Variants in PLXNA4 observed in about 807,000 individuals in gnomAD.
PLXNA4 encodes the protein plexin A4.
Under a neutral mutation model 191.8 loss-of-function variants are expected in PLXNA4, and 44 were observed. The ratio of observed to expected loss-of-function variants is 0.23; its 90% CI spans 0.18 to 0.29. The LOEUF (loss-of-function observed/expected upper bound fraction) is 0.29, where lower values mean the gene tolerates loss of function less well. PLXNA4 is among the 10% of genes least tolerant of loss of function. PLXNA4 has a pLI of 1.00. For synonymous variants in PLXNA4, 1,082 were observed against 1,009.5 expected (o/e 1.07, Z -1.36); for missense variants, 1,800 against 2,488.8 (o/e 0.72, Z 5.89).
intron 3 of PLXNA4, among the ~76,000 whole-genome samples, chr7:132,424,127 C>T (rs940915002): frequency 3.9e-5 from 6 of 152,180 alleles, no homozygotes; most frequent in Non-Finnish European, 8.8e-5. Flanking sequence ...CCCACGCCTC[C>T]TCCTCGCCAG....
chr7:132,631,627 T>C (rs568494154), intron 2 of PLXNA4, among the ~76,000 whole-genome samples: 3 of 152,264 alleles, frequency 2.0e-5, no homozygotes, highest in South Asian at 4.1e-4. Flanking sequence ...GATTCCAGGG[T>C]AGCTGTGTCC....
intron 1 of PLXNA4, among the ~76,000 whole-genome samples, chr7:132,554,266 C>T (rs1224151715): frequency 6.6e-6 from 1 of 152,110 alleles, no homozygotes; most frequent in African/African-American, 2.4e-5. Context: ...CCTGGGGGGA[C>T]AGTGTGACAA....
chr7:132,292,657 G>A (rs1800935926), intron 4 of PLXNA4, among the ~76,000 whole-genome samples: 1 of 152,166 alleles, frequency 6.6e-6, no homozygotes, highest in South Asian at 2.1e-4. Flanking sequence ...TTCTCTGGGT[G>A]AGGTCTTCCT....
At chr7:132,554,054 C>T (rs1213512972) in intron 1 of PLXNA4, among the ~76,000 whole-genome samples, 3 of 152,154 alleles carry the variant, frequency 2.0e-5, no homozygotes, top group Admixed American at 1.3e-4. Context: ...GGGCAAAATT[C>T]AACTATTTCT....
rs1387808981 is a variant in PLXNA4, at chr7:132,129,585, A to G, written c.*894T>C. 6.6e-6 allele frequency: 1 copy of G among 152,412 alleles called. No individual in the cohort carries two copies. Among genetic ancestry groups the G allele is most frequent in the Non-Finnish European group, 1.5e-5 (1 of 68,048 alleles). The allele number at this position is 152,412 out of a possible 1,614,324, so 9.4% of individuals were successfully genotyped here. A position where few individuals can be genotyped will look rare whatever the true frequency, so the allele number is the denominator to read the frequency against. The stretch of plus-strand genomic sequence containing the variant: ...GTAGTGGACTAGACCTATGACTATG[A>G]TTGTGACTCATTTGAATTTGAGGGT... On this transcript the variant is annotated 3_prime_UTR_variant, in exon 32 of 32. Coordinates refer to ENST00000321063, the MANE Select transcript of PLXNA4 (RefSeq NM_020911.2).
intron 1 of PLXNA4, among the ~76,000 whole-genome samples, chr7:132,545,146 T>A (rs1800244579): frequency 6.6e-6 from 1 of 152,282 alleles, no homozygotes; most frequent in East Asian, 1.9e-4. Flanking sequence ...TGACCACCCC[T>A]CCCCCAGTGT....
intron 13 of PLXNA4, among the ~76,000 whole-genome samples, chr7:132,194,911 T>C (rs1797206179): frequency 6.6e-6 from 1 of 151,890 alleles, no homozygotes; most frequent in Non-Finnish European, 1.5e-5. Context: ...TGTATGTATC[T>C]TTGCAGACAT....
At chr7:132,436,577 C>G (rs1382968159) in intron 3 of PLXNA4, among the ~76,000 whole-genome samples, 1 of 152,140 alleles carries the variant, frequency 6.6e-6, no homozygotes, top group African/African-American at 2.4e-5. Flanking sequence ...ATGACCTGTC[C>G]CTCAATTTCC....
chr7:132,635,907 G>A (rs140593788), intron 2 of PLXNA4, among the ~76,000 whole-genome samples: 5 of 152,140 alleles, frequency 3.3e-5, no homozygotes, highest in Non-Finnish European at 7.4e-5. Flanking sequence ...TAAATGAATG[G>A]CATGTATTTA....
intron 1 of PLXNA4, among the ~76,000 whole-genome samples, chr7:132,647,492 AACAC>A (rs1293020213): frequency 6.6e-6 from 1 of 151,742 alleles, no homozygotes; most frequent in African/African-American, 2.4e-5. Flanking sequence ...TATATTCATG[AACAC>A]ACACTTCCAT....
chr7:132,419,418 A>T (rs1260662550), intron 3 of PLXNA4, among the ~76,000 whole-genome samples: 1 of 152,232 alleles, frequency 6.6e-6, no homozygotes, highest in Non-Finnish European at 1.5e-5. Flanking sequence ...TCCTGGGTTC[A>T]CCTAGACAAG....
At chr7:132,454,423 G>T (rs1260926334) in intron 3 of PLXNA4, among the ~76,000 whole-genome samples, 1 of 152,074 alleles carries the variant, frequency 6.6e-6, no homozygotes, top group African/African-American at 2.4e-5. Flanking sequence ...CAAGAAAAGG[G>T]GCTTGGGTTC....
intron 10 of PLXNA4, among the ~76,000 whole-genome samples, chr7:132,206,702 T>C (rs996192782): frequency 6.6e-6 from 1 of 152,042 alleles, no homozygotes. Context: ...GCAACGTGCC[T>C]GGGGCAGGGT....
At chr7:132,562,984 T>C (rs1163647391) in intron 1 of PLXNA4, among the ~76,000 whole-genome samples, 1 of 43,098 alleles carries the variant, frequency 2.3e-5, no homozygotes, top group East Asian at 6.7e-4. Context: ...CTCCTCCTCC[T>C]TCTCCTCCTC....
chr7:132,441,648 A>T (rs1262135731), intron 3 of PLXNA4, among the ~76,000 whole-genome samples: 1 of 152,238 alleles, frequency 6.6e-6, no homozygotes, highest in Non-Finnish European at 1.5e-5. Flanking sequence ...TAAACCCTGC[A>T]TTCGGAGTCT....
At chr7:132,490,796 T>C (rs930000306) in intron 2 of PLXNA4, among the ~76,000 whole-genome samples, 12 of 152,190 alleles carry the variant, frequency 7.9e-5, no homozygotes, top group Admixed American at 6.5e-5. Flanking sequence ...TCCTGTGAGA[T>C]ACTGACCCTG....
At chr7:132,329,472 G>A (rs564457805) in intron 3 of PLXNA4, among the ~76,000 whole-genome samples, 1 of 152,292 alleles carries the variant, frequency 6.6e-6, no homozygotes, top group East Asian at 1.9e-4. Flanking sequence ...GCCTGCCAGG[G>A]CCCCAGGGGT....
chr7:132,168,166 C>G, intron 22 of PLXNA4, 138 bp downstream of exon 22: 3 of 1,281,354 alleles, frequency 2.3e-6, no homozygotes, highest in Non-Finnish European at 2.0e-6. Context: ...CAATGTAGTC[C>G]TGGCTCTGGG....
chr7:132,278,489 C>T (rs753473106), intron 4 of PLXNA4, among the ~76,000 whole-genome samples: 23 of 152,274 alleles, frequency 1.5e-4, no homozygotes, highest in Non-Finnish European at 3.1e-4. Context: ...CAAGGGTCAA[C>T]TAAGCGCCTA....
Sources: allele counts gnomAD v4.1 joint callset (sites outside exome capture counted in the v4.1 genomes callset), GRCh38; gene constraint gnomAD v4.1.1; transcripts MANE v1.5; gene names NCBI Gene and HGNC (gene_info 2026-07-23, HGNC 2026-07-21).